The following TRHDE variants were observed in gnomAD, a reference collection of about 807,000 sequenced individuals.
TRHDE encodes thyrotropin-releasing hormone-degrading ectoenzyme.
A neutral mutation model predicts 125.7 loss-of-function variants in TRHDE; 72 were observed. That is an observed-to-expected ratio of 0.57 (90% CI 0.47 to 0.70). TRHDE has a LOEUF of 0.70. Ranked by LOEUF, TRHDE falls within the 30% of genes least tolerant of loss-of-function variation. The probability of loss-of-function intolerance (pLI) is 0.00; values close to 1 mark genes in which losing one functional copy is unlikely to be tolerated. For synonymous variants in TRHDE, 509 were observed against 509.1 expected, an observed-to-expected ratio of 1.00 and a Z score of 0.00; for missense variants, 1,110 against 1,327.1, an observed-to-expected ratio of 0.84 and a Z score of 2.54.
chr12:72,273,614 TG>T lies in TRHDE; in HGVS notation c.914+60del. On this transcript the variant is annotated intron_variant, in intron 1 of 18. Transcript: ENST00000261180. This position sits in a 1 kb window ranked among gnomAD's most constrained non-coding sequence, Gnocchi z 5.3. The stretch of plus-strand genomic sequence containing the variant: ...CACCCCGGCGCGCGGCTCGAACCTC[TG>T]GGCGGCCTGCGACCCCGGGGACCCA... 6.7e-7 allele frequency: 1 copy of T among 1,495,162 alleles called. No homozygotes were observed. The highest frequency in any genetic ancestry group is 1.3e-5 in the South Asian group (1 of 78,624). The allele number at this position is 1,495,162 out of a possible 1,614,324, so 92.6% of individuals were successfully genotyped here.
chr12:72,536,724 G>A (rs944484145), intron 6 of TRHDE, among the ~76,000 whole-genome samples: 6 of 151,888 alleles, frequency 4.0e-5, no homozygotes, highest in Non-Finnish European at 2.9e-5. Context: ...CTAGCCTTTT[G>A]TTCTTACTGA....
intron 2 of TRHDE, among the ~76,000 whole-genome samples, chr12:72,233,336 C>G (rs1403475761): frequency 1.3e-5 from 2 of 152,012 alleles, no homozygotes; most frequent in East Asian, 3.9e-4. Context: ...CAACTCTGCC[C>G]TTATTCTCAA....
chr12:72,154,826 A>AT (rs1876464412), intron 2 of TRHDE, among the ~76,000 whole-genome samples: 1 of 151,884 alleles, frequency 6.6e-6, no homozygotes, highest in Admixed American at 6.6e-5. Flanking sequence ...TGCCCTTAAC[A>AT]TTTTTTCCTT....
chr12:72,467,874 T>A (rs918641309), intron 3 of TRHDE, among the ~76,000 whole-genome samples: 1 of 152,150 alleles, frequency 6.6e-6, no homozygotes. Context: ...ATTTTTAAAG[T>A]CAGGAATAAA....
intron 3 of TRHDE, among the ~76,000 whole-genome samples, chr12:72,407,843 G>A (rs144660506): frequency 6.6e-6 from 1 of 152,310 alleles, no homozygotes; most frequent in East Asian, 1.9e-4. Flanking sequence ...GTAATTAGAA[G>A]TAAACTAGCC....
Position 72,272,603 on chromosome 12 carries a change from G to T in TRHDE, c.-41G>T, listed in dbSNP as rs1879268986. ...TGTGGCCCGGGTGGCCCGCCCGCGG[G>T]GGGTGCCAGAGGGGGCGGGGGAGGA... On this transcript the variant is annotated 5_prime_UTR_variant, in exon 1 of 19. Coordinates refer to ENST00000261180, the MANE Select transcript of TRHDE (RefSeq NM_013381.3). This position sits in a 1 kb window ranked among gnomAD's most constrained non-coding sequence, Gnocchi z 6.7. 2.4e-6 allele frequency: 2 copies of T among 818,780 alleles called. No individual in the cohort carries two copies. Among genetic ancestry groups the T allele is most frequent in the East Asian group, 5.7e-5 (2 of 35,164 alleles). 50.7% of individuals were successfully genotyped at this position (818,780 alleles called of 1,614,324 possible).
intron 3 of TRHDE, among the ~76,000 whole-genome samples, chr12:72,383,753 T>G (rs1872293699): frequency 6.7e-6 from 1 of 149,748 alleles, no homozygotes; most frequent in South Asian, 2.1e-4. Context: ...GATGAGGAAA[T>G]TTAGGCACTC....
At position 72,158,108 on chromosome 12, in the gene TRHDE, G is replaced by A. The variant is rs370860937; in HGVS notation, n.279+52356G>A. On this transcript the variant is annotated intron_variant and non_coding_transcript_variant, in intron 2 of 4. Coordinates refer to the TRHDE transcript ENST00000548156. ...AAGTTCACAATGTTCATGCAAAAAT[G>A]TTTTGGTAGGAGATGTCAATGAAAG... Among the ~76,000 whole-genome samples the A allele has an allele frequency of 9.9e-5, 15 of 152,272 alleles. No individual in the cohort carries two copies. The South Asian group carries it at 2.9e-3, about 29-fold the overall frequency.
intron 7 of TRHDE, among the ~76,000 whole-genome samples, chr12:72,547,213 A>G (rs1342152007): frequency 1.3e-5 from 2 of 151,538 alleles, no homozygotes; most frequent in African/African-American, 4.8e-5. Flanking sequence ...TCTCTTCCTT[A>G]ATATTGTATT....
chr12:72,455,762 C>T (rs540223557), intron 3 of TRHDE, among the ~76,000 whole-genome samples: 1 of 152,124 alleles, frequency 6.6e-6, no homozygotes, highest in South Asian at 2.1e-4. Context: ...AATTTGGAGA[C>T]TTTACAAATG....
intron 2 of TRHDE, among the ~76,000 whole-genome samples, chr12:72,299,388 A>G (rs1285670601): frequency 6.6e-6 from 1 of 152,146 alleles, no homozygotes; most frequent in Non-Finnish European, 1.5e-5. Context: ...TGGGTCTGGG[A>G]GATGCTGTTG....
intron 1 of TRHDE, among the ~76,000 whole-genome samples, chr12:72,281,367 A>G (rs1393057777): frequency 2.0e-5 from 3 of 152,218 alleles, no homozygotes; most frequent in Non-Finnish European, 2.9e-5. Flanking sequence ...TGGATTAACA[A>G]TTTTAAATGG....
At chr12:72,189,361 A>G (rs778971779) in intron 2 of TRHDE, among the ~76,000 whole-genome samples, 1 of 152,210 alleles carries the variant, frequency 6.6e-6, no homozygotes, top group Non-Finnish European at 1.5e-5. Flanking sequence ...AGGCTTTTCT[A>G]TTCAGAGAAA....
chr12:72,386,880 T>C (rs1396212254), intron 3 of TRHDE, among the ~76,000 whole-genome samples: 1 of 152,132 alleles, frequency 6.6e-6, no homozygotes, highest in African/African-American at 2.4e-5. Context: ...ACTTTTTTTC[T>C]GTTTTGTTTT....
At chr12:72,533,754 CCTT>C (rs1226632659) in intron 6 of TRHDE, among the ~76,000 whole-genome samples, 3 of 102,556 alleles carry the variant, frequency 2.9e-5, no homozygotes, top group Non-Finnish European at 6.5e-5. Context: ...TATGTTTTAT[CCTT>C]CTATGTACAT....
intron 3 of TRHDE, among the ~76,000 whole-genome samples, chr12:72,445,249 G>C (rs915542059): frequency 6.6e-6 from 1 of 151,536 alleles, no homozygotes; most frequent in African/African-American, 2.4e-5. Flanking sequence ...GTGGAATTGA[G>C]GTTGTTTTAT....
chr12:72,308,164 T>A (rs1868380810), intron 2 of TRHDE, among the ~76,000 whole-genome samples: 1 of 151,920 alleles, frequency 6.6e-6, no homozygotes, highest in Admixed American at 6.6e-5. Flanking sequence ...GCAGTGTAAC[T>A]CTAGCTCCTG....
intron 2 of TRHDE, among the ~76,000 whole-genome samples, chr12:72,126,910 G>T (rs1875726473): frequency 6.6e-6 from 1 of 152,058 alleles, no homozygotes; most frequent in Non-Finnish European, 1.5e-5. Flanking sequence ...GAGTAAACAG[G>T]CAGCCTACAG....
chr12:72,649,904 A>C (rs1222017220), intron 15 of TRHDE, among the ~76,000 whole-genome samples: 11 of 152,146 alleles, frequency 7.2e-5, no homozygotes, highest in Non-Finnish European at 1.5e-5. Context: ...GTTGTGGAGA[A>C]ATCAATACCC....
Sources: allele counts gnomAD v4.1 joint callset (sites outside exome capture counted in the v4.1 genomes callset), GRCh38; gene constraint gnomAD v4.1.1; non-coding constraint Gnocchi (gnomAD v3.1); transcripts MANE v1.5; gene names NCBI Gene and HGNC (gene_info 2026-07-23, HGNC 2026-07-21).